GNB1: variants seen among roughly 807,000 people sequenced by gnomAD.
The protein encoded by GNB1 is guanine nucleotide-binding protein G(I)/G(S)/G(T) subunit beta-1.
GNB1 carries 2 observed loss-of-function variants against 42.9 expected under a neutral mutation model. The ratio of observed to expected loss-of-function variants is 0.05; its 90% CI spans 0.02 to 0.15. GNB1 has a LOEUF of 0.15. Among genes scored for constraint, GNB1 ranks in the 10% least tolerant of loss-of-function variants. The pLI is 1.00. For missense variants in GNB1, 193 were observed against 462.2 expected, an observed-to-expected ratio of 0.42 and a Z score of 5.34; for synonymous variants, 183 against 174.7, an observed-to-expected ratio of 1.05 and a Z score of -0.38.
At position 1,787,130 on chromosome 1, in the gene GNB1, C is replaced by T. The variant is rs1646417344; in HGVS notation, c.*10-77G>A. On this transcript the variant is annotated intron_variant, in intron 11 of 11. Transcript: ENST00000378609. The surrounding 1 kb of genome is among the most constrained non-coding windows in gnomAD (Gnocchi z 4.4). ...GCAGACGCACAGCCAGGTCACTGCT[C>T]TTCCCATCACTGCATGAGTGTCTGC... 4.2e-6 allele frequency: 2 copies of T among 474,338 alleles called. No homozygotes were observed. Among genetic ancestry groups the T allele is most frequent in the African/African-American group, 4.0e-5 (2 of 49,924 alleles). 29.4% of individuals were successfully genotyped at this position (474,338 alleles called of 1,614,324 possible). A position where few individuals can be genotyped will look rare whatever the true frequency, so the allele number is the denominator to read the frequency against.
chr1:1,836,999 T>G (rs565875444), intron 2 of GNB1, among the ~76,000 whole-genome samples: 1 of 152,156 alleles, frequency 6.6e-6, no homozygotes, highest in South Asian at 2.1e-4. Flanking sequence ...AATTGAGTTT[T>G]GAGAGTTCTT....
intron 2 of GNB1, among the ~76,000 whole-genome samples, chr1:1,829,562 G>A (rs1228839945): frequency 6.6e-6 from 1 of 152,150 alleles, no homozygotes; most frequent in African/African-American, 2.4e-5. Flanking sequence ...CCAGGTGCCA[G>A]GAAGAGCGAA....
intron 1 of GNB1, among the ~76,000 whole-genome samples, chr1:1,845,465 C>G (rs1458495166): frequency 6.6e-6 from 1 of 152,012 alleles, no homozygotes; most frequent in Admixed American, 6.6e-5. Flanking sequence ...CCCAGCTACT[C>G]AGGAGGCTGA....
intron 1 of GNB1, among the ~76,000 whole-genome samples, chr1:1,875,443 G>A (rs1223605402): frequency 6.6e-6 from 1 of 152,010 alleles, no homozygotes; most frequent in Non-Finnish European, 1.5e-5. Flanking sequence ...TCCACCCGCT[G>A]TGGCCTCCCA....
At chr1:1,804,222 C>T (rs1646665492) in intron 7 of GNB1, among the ~76,000 whole-genome samples, 197 bp downstream of exon 7, 1 of 151,898 alleles carries the variant, frequency 6.6e-6, no homozygotes, top group African/African-American at 2.4e-5. Context: ...GCGTGAACAC[C>T]CAGGAGGCGG....
chr1:1,820,083 G>A (rs1209457502), intron 3 of GNB1, among the ~76,000 whole-genome samples: 1 of 152,092 alleles, frequency 6.6e-6, no homozygotes, highest in African/African-American at 2.4e-5. Context: ...TTGGTCAGGC[G>A]CAGTGGCTCA....
intron 7 of GNB1, among the ~76,000 whole-genome samples, chr1:1,795,877 T>C (rs1646540322): frequency 6.6e-6 from 1 of 152,158 alleles, no homozygotes; most frequent in Non-Finnish European, 1.5e-5. Flanking sequence ...GACTGAACCC[T>C]AAAATCACAG....
chr1:1,809,327 A>G (rs1187642127), intron 5 of GNB1, among the ~76,000 whole-genome samples: 4 of 151,426 alleles, frequency 2.6e-5, no homozygotes, highest in Non-Finnish European at 5.9e-5. Context: ...GGTGTGCACC[A>G]CCATGCCTGG....
At chr1:1,852,366 C>CT (rs1326455912) in intron 1 of GNB1, among the ~76,000 whole-genome samples, 5 of 152,114 alleles carry the variant, frequency 3.3e-5, no homozygotes, top group Admixed American at 3.3e-4. Flanking sequence ...GTAGCTGGGA[C>CT]TATAGACGCC....
At chr1:1,809,716 A>G (rs541750178) in intron 5 of GNB1, among the ~76,000 whole-genome samples, 12 of 152,240 alleles carry the variant, frequency 7.9e-5, no homozygotes, top group African/African-American at 2.6e-4. Context: ...TAAGCTGTCC[A>G]CTGATCCTCC....
Position 1,811,062 on chromosome 1 carries a change from T to C in GNB1, c.204-4524A>G, listed in dbSNP as rs551655508. On this transcript the variant is annotated intron_variant, in intron 5 of 11. Coordinates refer to ENST00000378609, the MANE Select transcript of GNB1 (RefSeq NM_002074.5). Reference sequence around the variant, plus strand: ...AGTGCAATGCGCATGTTTGTGGGTATATATATACATATATATATATTTTTT... The same window carrying C: ...AGTGCAATGCGCATGTTTGTGGGTACATATATACATATATATATATTTTTT... Among the ~76,000 whole-genome samples, 18 of 69,170 alleles carry C rather than the reference T, an allele frequency of 2.6e-4. No homozygotes were observed. In the South Asian group the frequency reaches 6.8e-3, roughly 26 times the overall value. 45.4% of individuals were successfully genotyped at this position (69,170 alleles called of 152,430 possible).
chr1:1,857,888 CCAT>C (rs1648392642), intron 1 of GNB1, among the ~76,000 whole-genome samples: 1 of 152,088 alleles, frequency 6.6e-6, no homozygotes, highest in Non-Finnish European at 1.5e-5. Context: ...AGCAGAACCA[CCAT>C]AACAACATAC....
At chr1:1,797,302 T>C (rs1445312056) in intron 7 of GNB1, among the ~76,000 whole-genome samples, 2 of 152,184 alleles carry the variant, frequency 1.3e-5, no homozygotes, top group Non-Finnish European at 2.9e-5. Flanking sequence ...AGCTCCTGAG[T>C]TACAGAACGA....
At chr1:1,792,645 C>T (rs1646496325) in intron 8 of GNB1, among the ~76,000 whole-genome samples, 1 of 148,396 alleles carries the variant, frequency 6.7e-6, no homozygotes, top group South Asian at 2.1e-4. Flanking sequence ...TTGCAATGAG[C>T]CGAGATCACG....
chr1:1,844,627 T>G (rs1015505291), intron 1 of GNB1, among the ~76,000 whole-genome samples: 6 of 152,126 alleles, frequency 3.9e-5, no homozygotes, highest in African/African-American at 1.4e-4. Flanking sequence ...GGTATACTTG[T>G]GGGGGATGAT....
chr1:1,886,915 G>A (rs1160669132), intron 1 of GNB1, among the ~76,000 whole-genome samples: 7 of 152,034 alleles, frequency 4.6e-5, no homozygotes, highest in Non-Finnish European at 5.9e-5. Context: ...GGGTTTCACC[G>A]TGTTAGCCAG....
In GNB1 at chr1:1,786,314, G is replaced by T; in HGVS notation, c.*749C>A. 2.7e-6 allele frequency: 1 copy of T among 365,616 alleles called. No homozygotes were observed. The highest frequency in any genetic ancestry group is 4.9e-6 in the Non-Finnish European group (1 of 205,582). The allele number at this position is 365,616 out of a possible 1,614,324, so 22.6% of individuals were successfully genotyped here. A position where few individuals can be genotyped will look rare whatever the true frequency, so the allele number is the denominator to read the frequency against. The stretch of plus-strand genomic sequence containing the variant: ...AGACAGGATGGGTCAGGAGGAACAT[G>T]GTGCTGGATCTGAGCTCACTTTTCA... On this transcript the variant is annotated 3_prime_UTR_variant, in exon 12 of 12. Coordinates refer to ENST00000378609, the MANE Select transcript of GNB1 (RefSeq NM_002074.5).
intron 1 of GNB1, among the ~76,000 whole-genome samples, chr1:1,861,462 A>G (rs1019586789): frequency 6.6e-6 from 1 of 151,832 alleles, no homozygotes; most frequent in Admixed American, 6.6e-5. Context: ...CTCAAAAATA[A>G]TAATAATAAT....
rs925113027 is a variant in GNB1, at chr1:1,847,903, G to T, written c.-95-8665C>A. Among the ~76,000 whole-genome samples, 4 of 152,122 alleles carry T rather than the reference G, an allele frequency of 2.6e-5. No homozygotes were observed. In the South Asian group the frequency reaches 8.3e-4, roughly 31 times the overall value. ...CTTGACAGATGTCAGTACTTCCAAC[G>T]TGGTGCCAAACGATGAGAAAGAAGC... On this transcript the variant is annotated intron_variant, in intron 1 of 11. Coordinates refer to ENST00000378609, the MANE Select transcript of GNB1 (RefSeq NM_002074.5).
Sources: gnomAD v4.1 joint callset for allele counts (sites outside exome capture counted in the v4.1 genomes callset) on GRCh38, gnomAD v4.1.1 for gene constraint, Gnocchi (gnomAD v3.1) non-coding constraint, MANE v1.5 for transcripts, NCBI Gene and HGNC (gene_info 2026-07-23, HGNC 2026-07-21) for gene names.